Variants in ROBO2 observed in about 807,000 individuals in gnomAD.
ROBO2 encodes roundabout homolog 2.
In ROBO2, 53 loss-of-function variants were observed where a neutral mutation model predicts 160.8. The observed-to-expected ratio is 0.33, with a 90% CI of 0.26 to 0.41. ROBO2 has a LOEUF of 0.41. Among genes scored for constraint, ROBO2 ranks in the 10% least tolerant of loss-of-function variants. The probability of loss-of-function intolerance (pLI) is 1.00; values close to 1 mark genes in which losing one functional copy is unlikely to be tolerated. For synonymous variants in ROBO2, 664 were observed against 611.7 expected, an observed-to-expected ratio of 1.09 and a Z score of -1.26; for missense variants, 1,577 against 1,722.4, an observed-to-expected ratio of 0.92 and a Z score of 1.49.
intron 2 of ROBO2, among the ~76,000 whole-genome samples, chr3:76,375,216 T>A (rs2076285346): frequency 6.6e-6 from 1 of 152,006 alleles, no homozygotes; most frequent in African/African-American, 2.4e-5. Flanking sequence ...GCATCCTAAT[T>A]TGTGTTAGAA....
At chr3:77,148,928 G>A (rs1345271585) in intron 2 of ROBO2, among the ~76,000 whole-genome samples, 2 of 152,036 alleles carry the variant, frequency 1.3e-5, no homozygotes, top group Non-Finnish European at 2.9e-5. Flanking sequence ...AAAGCTTGAT[G>A]TTGGAGTTAT....
intron 2 of ROBO2, among the ~76,000 whole-genome samples, chr3:77,198,832 G>A (rs965473822): frequency 4.6e-5 from 7 of 152,058 alleles, no homozygotes; most frequent in Non-Finnish European, 1.0e-4. Context: ...GAACCCGGGA[G>A]GTGGAGGTTG....
At chr3:76,840,994 G>A (rs1273133691) in intron 2 of ROBO2, among the ~76,000 whole-genome samples, 1 of 152,044 alleles carries the variant, frequency 6.6e-6, no homozygotes, top group East Asian at 1.9e-4. Context: ...GTTAGAAGAA[G>A]GATCTGACCT....
chr3:76,416,200 AAAGTAC>A (rs1418829104), intron 2 of ROBO2, among the ~76,000 whole-genome samples: 1 of 152,068 alleles, frequency 6.6e-6, no homozygotes, highest in African/African-American at 2.4e-5. Flanking sequence ...AAAATTATTT[AAAGTAC>A]TTTTAAAAAA....
chr3:76,430,303 T>A (rs1245654747), intron 2 of ROBO2, among the ~76,000 whole-genome samples: 1 of 152,142 alleles, frequency 6.6e-6, no homozygotes, highest in African/African-American at 2.4e-5. Context: ...ACAATATCAA[T>A]ATGAAATAAA....
chr3:76,671,953 G>T lies in ROBO2; in HGVS notation c.110-426061G>T, dbSNP rs372240042. Among the ~76,000 whole-genome samples, 35 of 152,072 alleles carry T rather than the reference G, an allele frequency of 2.3e-4. 1 individual carries two copies. The South Asian group carries it at 6.6e-3, about 29-fold the overall frequency. On this transcript the variant is annotated intron_variant, in intron 2 of 26. Coordinates refer to the ROBO2 transcript ENST00000487694. The stretch of plus-strand genomic sequence containing the variant: ...TTACACAGTATTTTTTATGTAGCAT[G>T]TACTGAAAACAAGTGAATAAACTAT...
At chr3:76,701,549 C>G (rs1378601756) in intron 2 of ROBO2, among the ~76,000 whole-genome samples, 1 of 152,004 alleles carries the variant, frequency 6.6e-6, no homozygotes, top group African/African-American at 2.4e-5. Context: ...AATCCAGCCT[C>G]TTCTGTTCAA....
chr3:76,858,693 A>G (rs140005571), intron 2 of ROBO2, among the ~76,000 whole-genome samples: 27 of 152,342 alleles, frequency 1.8e-4, no homozygotes, highest in Non-Finnish European at 2.9e-5. Context: ...TCACCTGTTA[A>G]TAGAGAATTG....
At chr3:77,433,752 T>C (rs1048687719) in intron 2 of ROBO2, among the ~76,000 whole-genome samples, 9 of 151,926 alleles carry the variant, frequency 5.9e-5, no homozygotes, top group African/African-American at 1.9e-4. Context: ...GGCTCACTCA[T>C]GGTCTTTCTA....
intron 2 of ROBO2, among the ~76,000 whole-genome samples, chr3:75,976,140 A>G (rs958486397): frequency 6.6e-6 from 1 of 151,616 alleles, no homozygotes; most frequent in Non-Finnish European, 1.5e-5. Context: ...AGCACAAGTT[A>G]TAAAACTTAA....
intron 2 of ROBO2, among the ~76,000 whole-genome samples, chr3:76,896,384 T>G (rs2074776872): frequency 6.6e-6 from 1 of 152,160 alleles, no homozygotes; most frequent in African/African-American, 2.4e-5. Context: ...TTTTTTAACT[T>G]TGGAACTTTT....
At chr3:76,667,056 G>A (rs1038373210) in intron 2 of ROBO2, among the ~76,000 whole-genome samples, 3 of 152,064 alleles carry the variant, frequency 2.0e-5, no homozygotes, top group African/African-American at 7.2e-5. Flanking sequence ...CCATTCACAA[G>A]GATGTTTTAT....
rs575649443 is a variant in ROBO2 at position 77,476,283 on chromosome 3, C to T, written c.389-1131C>T. 5.9e-5 allele frequency among the ~76,000 whole-genome samples: 9 copies of T among 152,156 alleles called. No homozygotes were observed. The East Asian group carries it at 9.7e-4, about 16-fold the overall frequency. On this transcript the variant is annotated intron_variant, in intron 2 of 25. Transcript: ENST00000461745. ...CAGTTGGTTTGACCTAATCCCCAGTCGCGGCACATGATTTACATAACAGGC... is the reference window on the plus strand; with the variant it reads ...CAGTTGGTTTGACCTAATCCCCAGTTGCGGCACATGATTTACATAACAGGC...
At chr3:77,350,790 G>T (rs1239897526) in intron 2 of ROBO2, among the ~76,000 whole-genome samples, 1 of 152,130 alleles carries the variant, frequency 6.6e-6, no homozygotes, top group Non-Finnish European at 1.5e-5. Context: ...GCAAGAGGAA[G>T]CCCAGAGGAA....
intron 19 of ROBO2, among the ~76,000 whole-genome samples, chr3:77,598,504 C>T (rs977599385): frequency 8.7e-5 from 10 of 114,986 alleles, no homozygotes; most frequent in South Asian, 3.0e-4. Flanking sequence ...TATATATATA[C>T]GCACACACAT....
intron 2 of ROBO2, among the ~76,000 whole-genome samples, chr3:76,408,609 A>G (rs1047952546): frequency 1.3e-5 from 2 of 152,108 alleles, no homozygotes; most frequent in African/African-American, 4.8e-5. Context: ...GCATACATCA[A>G]TGTGCAAATA....
intron 2 of ROBO2, among the ~76,000 whole-genome samples, chr3:76,910,453 C>T (rs1029049995): frequency 3.3e-5 from 5 of 151,898 alleles, no homozygotes; most frequent in African/African-American, 1.2e-4. Context: ...GTTGGCCGCA[C>T]ATGGTGGCTC....
chr3:77,417,601 C>CA (rs2077362223), intron 2 of ROBO2, among the ~76,000 whole-genome samples: 2 of 152,028 alleles, frequency 1.3e-5, no homozygotes, highest in African/African-American at 4.8e-5. Flanking sequence ...GACCAATCCA[C>CA]AAAAACTCCA....
intron 2 of ROBO2, among the ~76,000 whole-genome samples, chr3:76,696,208 G>A (rs911547100): frequency 6.6e-6 from 1 of 152,068 alleles, no homozygotes; most frequent in Non-Finnish European, 1.5e-5. Flanking sequence ...GAACGTCGTA[G>A]CGAGTCTAGC....
Sources: gnomAD v4.1 joint callset for allele counts (sites outside exome capture counted in the v4.1 genomes callset) on GRCh38, gnomAD v4.1.1 for gene constraint, MANE v1.5 for transcripts, NCBI Gene and HGNC (gene_info 2026-07-23, HGNC 2026-07-21) for gene names.